EFR3B: variants seen among roughly 807,000 people sequenced by gnomAD.
EFR3B encodes the protein protein EFR3 homolog B.
A neutral mutation model predicts 104.7 loss-of-function variants in EFR3B; 64 were observed. That is an observed-to-expected ratio of 0.61 (90% CI 0.50 to 0.75). The LOEUF (loss-of-function observed/expected upper bound fraction) is 0.75, where lower values mean the gene tolerates loss of function less well. Among genes scored for constraint, EFR3B ranks in the 30% least tolerant of loss-of-function variants. The probability of loss-of-function intolerance (pLI) is 0.00; values close to 1 mark genes in which losing one functional copy is unlikely to be tolerated. For missense variants in EFR3B, 750 were observed against 1,078.5 expected, an observed-to-expected ratio of 0.70 and a Z score of 4.27; for synonymous variants, 385 against 417.9, an observed-to-expected ratio of 0.92 and a Z score of 0.96.
intron 4 of EFR3B, among the ~76,000 whole-genome samples, chr2:25,107,888 G>T (rs1253435467): frequency 3.3e-5 from 5 of 150,810 alleles, no homozygotes; most frequent in Non-Finnish European, 7.4e-5. Flanking sequence ...CTGTTGCCCA[G>T]TCTGGAGTGC....
Position 25,156,194 on chromosome 2 carries a change from G to A in EFR3B, c.*1854G>A, listed in dbSNP as rs1050811448. The A allele has an allele frequency of 6.6e-6, 1 of 151,936 alleles. No homozygotes were observed. Among genetic ancestry groups the A allele is most frequent in the African/African-American group, 2.4e-5 (1 of 41,340 alleles). The allele number at this position is 151,936 out of a possible 1,614,324, so 9.4% of individuals were successfully genotyped here. A position where few individuals can be genotyped will look rare whatever the true frequency, so the allele number is the denominator to read the frequency against. On this transcript the variant is annotated 3_prime_UTR_variant, in exon 23 of 23. Coordinates refer to ENST00000403714, the MANE Select transcript of EFR3B (RefSeq NM_014971.2). ...TGTGCAATAAATGTCTTGGGGAAGGGGCTATTTGACCCTCATTCCCATAGT... is the reference window on the plus strand; with the variant it reads ...TGTGCAATAAATGTCTTGGGGAAGGAGCTATTTGACCCTCATTCCCATAGT...
rs1165314397 is a variant in EFR3B at position 25,136,817 on chromosome 2, G to T, written c.1560+219G>T. 6.6e-6 allele frequency among the ~76,000 whole-genome samples: 1 copy of T among 152,222 alleles called. No homozygotes were observed. The highest frequency in any genetic ancestry group is 6.5e-5 in the Admixed American group (1 of 15,282). Reference sequence around the variant, plus strand: ...TGCAATCCCAGCTACTCGGGAGGCTGAGGCAGGAGAATCGCTTGAACCCAG... The same window carrying T: ...TGCAATCCCAGCTACTCGGGAGGCTTAGGCAGGAGAATCGCTTGAACCCAG... On this transcript the variant is annotated intron_variant, in intron 14 of 22. Transcript: ENST00000403714. This position sits in a 1 kb window ranked among gnomAD's most constrained non-coding sequence, Gnocchi z 4.0.
intron 4 of EFR3B, among the ~76,000 whole-genome samples, chr2:25,111,348 TC>T (rs1305234611): frequency 2.0e-5 from 3 of 151,242 alleles, no homozygotes; most frequent in African/African-American, 7.3e-5. Context: ...GTGGCATTTC[TC>T]CCTGGGATCA....
At chr2:25,129,188 GCACC>G (rs1270899838) in intron 6 of EFR3B, among the ~76,000 whole-genome samples, 3 of 151,722 alleles carry the variant, frequency 2.0e-5, no homozygotes, top group African/African-American at 7.3e-5. Context: ...TCCTGTCCCT[GCACC>G]CTCATTTTTC....
In EFR3B at chr2:25,121,663, T is replaced by TC; in HGVS notation, c.364-7dup. 9 of 1,551,664 alleles carry TC rather than the reference T, an allele frequency of 5.8e-6. No individual in the cohort carries two copies. The highest frequency in any genetic ancestry group is 7.0e-6 in the Non-Finnish European group (8 of 1,147,000). On this transcript the variant is annotated splice_polypyrimidine_tract_variant and intron_variant, in intron 4 of 22. Coordinates refer to ENST00000403714, the MANE Select transcript of EFR3B (RefSeq NM_014971.2). ...CTCTCTCGTGTGTTTCTCTCCTTCC[T>TC]CCCTGATAGTTTGTGAAGTTTGCCA...
chr2:25,122,247 G>A (rs993110748), intron 5 of EFR3B, among the ~76,000 whole-genome samples: 8 of 152,000 alleles, frequency 5.3e-5, no homozygotes, highest in East Asian at 1.9e-4. Flanking sequence ...GATTACAGGC[G>A]GGAGCCACTA....
chr2:25,124,652 AT>A (rs1670115394), intron 5 of EFR3B, among the ~76,000 whole-genome samples: 1 of 149,808 alleles, frequency 6.7e-6, no homozygotes, highest in Non-Finnish European at 1.5e-5. Context: ...AGGCAGGAGA[AT>A]TGTGTAAACC....
At chr2:25,133,458 C>A in intron 12 of EFR3B, 24 bp downstream of exon 12, 1 of 1,552,184 alleles carries the variant, frequency 6.4e-7, no homozygotes, top group South Asian at 1.2e-5. Context: ...ATCCCCATTC[C>A]TGCTCTTCCT....
At chr2:25,134,623 C>T (rs962122989) in intron 12 of EFR3B, among the ~76,000 whole-genome samples, 8 of 152,156 alleles carry the variant, frequency 5.3e-5, no homozygotes, top group Admixed American at 2.6e-4. Context: ...CCCCCGACCC[C>T]GCCGCCACCT....
intron 1 of EFR3B, among the ~76,000 whole-genome samples, chr2:25,057,402 G>A (rs1408111000): frequency 6.7e-6 from 1 of 149,788 alleles, no homozygotes; most frequent in East Asian, 2.0e-4. Context: ...TCGTTAAGTG[G>A]CATGGCTAAC....
rs1426590766 is a variant in EFR3B, at chr2:25,155,490, T to C, written c.*1150T>C. The C allele has an allele frequency of 6.6e-6, 1 of 152,258 alleles. No homozygotes were observed. 9.4% of individuals were successfully genotyped at this position (152,258 alleles called of 1,614,324 possible). On this transcript the variant is annotated 3_prime_UTR_variant, in exon 23 of 23. Coordinates refer to ENST00000403714, the MANE Select transcript of EFR3B (RefSeq NM_014971.2). ...CCCCTTTGGGTTCTGGGTTCCTGTT[T>C]TCCTGGTGTGCCGTCTGTGTCTCTG...
intron 1 of EFR3B, among the ~76,000 whole-genome samples, chr2:25,090,035 C>A (rs982462921): frequency 2.0e-5 from 3 of 151,270 alleles, no homozygotes; most frequent in African/African-American, 7.2e-5. Flanking sequence ...CCAAAGAACT[C>A]TTTTCTCCGC....
At position 25,143,785 on chromosome 2, in the gene EFR3B, G is replaced by A. The variant is rs752732769; in HGVS notation, c.1973G>A (p.Ser658Asn). Residue 658 changes from serine (S) to asparagine (N), a missense_variant, in exon 18 of 23, where the codon AGC (serine) becomes AAC (asparagine). Ser to Asn is a conservative substitution (Grantham distance 46, BLOSUM62 1). Transcript: ENST00000403714. ...GVVIELLFRQ[S>N]KISEVLGGSG... ...GTCATTGAGCTCCTCTTCCGCCAGAGCAAGATCAGTGAAGTCCTGGGAGGC... is the reference window on the plus strand; with the variant it reads ...GTCATTGAGCTCCTCTTCCGCCAGAACAAGATCAGTGAAGTCCTGGGAGGC... 3.2e-6 allele frequency: 5 copies of A among 1,551,654 alleles called. No individual in the cohort carries two copies. In the South Asian group the frequency reaches 5.9e-5, roughly 18 times the overall value.
In EFR3B at chr2:25,133,457, C is replaced by T. The variant is rs772112025; in HGVS notation, c.1311+23C>T. 2.6e-6 allele frequency: 4 copies of T among 1,552,164 alleles called. No homozygotes were observed. In the South Asian group the frequency reaches 3.6e-5, roughly 14 times the overall value. On this transcript the variant is annotated intron_variant, in intron 12 of 22. Coordinates refer to ENST00000403714, the MANE Select transcript of EFR3B (RefSeq NM_014971.2). ...CAGGTGAGCCCCATCTATCCCCATT[C>T]CTGCTCTTCCTCTGCAGGAGACAGC...
chr2:25,149,876 T>C (rs1573240431), intron 20 of EFR3B, 134 bp downstream of exon 20: 1 of 831,972 alleles, frequency 1.2e-6, no homozygotes, highest in Non-Finnish European at 2.0e-6. Context: ...GAGGCTGGTG[T>C]CTTTTGACAA....
intron 21 of EFR3B, 137 bp from the exon 22 acceptor site, chr2:25,153,575 C>G (rs975980174): frequency 6.3e-6 from 5 of 793,068 alleles, no homozygotes; most frequent in African/African-American, 5.1e-5. Flanking sequence ...AGTGCTGGAG[C>G]GTGTTCACCT....
At chr2:25,072,825 C>T (rs898811166) in intron 1 of EFR3B, among the ~76,000 whole-genome samples, 1 of 152,288 alleles carries the variant, frequency 6.6e-6, no homozygotes, top group South Asian at 2.1e-4. Context: ...CTTGGAATCT[C>T]CCCTCCAGCT....
At chr2:25,138,139 G>A (rs1379270951) in intron 15 of EFR3B, among the ~76,000 whole-genome samples, 2 of 152,184 alleles carry the variant, frequency 1.3e-5, no homozygotes, top group African/African-American at 4.8e-5. Flanking sequence ...ACCACTGCAT[G>A]CCAGCCTGGG....
rs761002563 is a variant in EFR3B, at chr2:25,121,708, G to T, written c.399G>T (p.Pro133=). ...TTGCCAACATCGAGGAGGACACCCC[G>T]TCCTATCACCGGAGCTATGACTTCT... is the stretch of plus-strand genomic sequence containing the variant. The part of the protein sequence containing the change: ...VKFANIEEDT[P]SYHRSYDFFV... The change falls in exon 5 of 23, where the codon CCG becomes CCT. Residue 133 remains proline, a synonymous_variant. Transcript: ENST00000403714. 3 of 1,551,670 alleles carry T rather than the reference G, an allele frequency of 1.9e-6. No homozygotes were observed. Among genetic ancestry groups the T allele is most frequent in the Non-Finnish European group, 2.6e-6 (3 of 1,146,978 alleles).
Sources: allele counts gnomAD v4.1 joint callset (sites outside exome capture counted in the v4.1 genomes callset), GRCh38; gene constraint gnomAD v4.1.1; non-coding constraint Gnocchi (gnomAD v3.1); transcripts MANE v1.5; gene names NCBI Gene and HGNC (gene_info 2026-07-23, HGNC 2026-07-21).